Variants in PIBF1 observed in about 807,000 individuals in gnomAD.
PIBF1 encodes progesterone-induced-blocking factor 1.
A neutral mutation model predicts 112.5 loss-of-function variants in PIBF1; 90 were observed. The observed-to-expected ratio is 0.80, with a 90% CI of 0.67 to 0.95. PIBF1 has a LOEUF of 0.95. Among genes scored for constraint, PIBF1 ranks in the 40% least tolerant of loss-of-function variants. The pLI is 0.00. For synonymous variants in PIBF1, 301 were observed against 288.6 expected (o/e 1.04, Z -0.44); for missense variants, 915 against 852.3 (o/e 1.07, Z -0.92).
At chr13:72,929,822 TTAGAAA>T (rs2041646564) in intron 13 of PIBF1, among the ~76,000 whole-genome samples, 1 of 152,162 alleles carries the variant, frequency 6.6e-6, no homozygotes, top group Non-Finnish European at 1.5e-5. Flanking sequence ...GTATGAGTTC[TTAGAAA>T]TAGATATATA....
chr13:72,905,172 A>C (rs1458310931), intron 11 of PIBF1, among the ~76,000 whole-genome samples: 2 of 151,746 alleles, frequency 1.3e-5, no homozygotes, highest in African/African-American at 4.8e-5. Context: ...GGTTGAAGCA[A>C]TTCTCCTGCC....
At chr13:72,924,491 G>A (rs1227891047) in intron 13 of PIBF1, among the ~76,000 whole-genome samples, 2 of 151,436 alleles carry the variant, frequency 1.3e-5, no homozygotes, top group Non-Finnish European at 3.0e-5. Context: ...GGAGGCTGAG[G>A]TGGAAGGATC....
At chr13:72,886,457 AAC>A (rs1359731376) in intron 10 of PIBF1, among the ~76,000 whole-genome samples, 1 of 152,030 alleles carries the variant, frequency 6.6e-6, no homozygotes, top group East Asian at 1.9e-4. Flanking sequence ...AAAATTTTAT[AAC>A]AGTGTTATAA....
At chr13:72,874,479 AAGACTACAT>A (rs2039310619) in intron 10 of PIBF1, among the ~76,000 whole-genome samples, 1 of 152,186 alleles carries the variant, frequency 6.6e-6, no homozygotes. Flanking sequence ...ACAAACACAA[AAGACTACAT>A]AGTGTTTGAT....
At chr13:72,821,286 G>A (rs1349310211) in intron 5 of PIBF1, among the ~76,000 whole-genome samples, 1 of 152,150 alleles carries the variant, frequency 6.6e-6, no homozygotes, top group East Asian at 1.9e-4. Context: ...TATCAGCAAT[G>A]CCTTTCTTAA....
chr13:73,009,665 T>C (rs565996883), intron 17 of PIBF1, among the ~76,000 whole-genome samples: 1 of 152,322 alleles, frequency 6.6e-6, no homozygotes, highest in East Asian at 1.9e-4. Context: ...CAAAATAACC[T>C]GGGAATAAGG....
chr13:72,824,673 A>G (rs1255988289), intron 6 of PIBF1, among the ~76,000 whole-genome samples: 1 of 152,186 alleles, frequency 6.6e-6, no homozygotes, highest in Non-Finnish European at 1.5e-5. Context: ...CATCATTGGA[A>G]TATAAAACCA....
At chr13:72,829,073 A>G (rs1467906556) in intron 8 of PIBF1, among the ~76,000 whole-genome samples, 2 of 152,224 alleles carry the variant, frequency 1.3e-5, no homozygotes, top group African/African-American at 2.4e-5. Context: ...GGCTGCATAA[A>G]TGTCTTCTTT....
chr13:72,987,850 A>ATTTTTTTTT (rs1160979996), intron 16 of PIBF1, among the ~76,000 whole-genome samples: 15 of 66,434 alleles, frequency 2.3e-4, no homozygotes, highest in African/African-American at 1.0e-3. Context: ...TTATTTATTT[A>ATTTTTTTTT]TTTATTTATT....
chr13:72,844,639 G>C (rs2037752285), intron 9 of PIBF1, among the ~76,000 whole-genome samples: 1 of 151,682 alleles, frequency 6.6e-6, no homozygotes, highest in South Asian at 2.1e-4. Context: ...GAGAAACTCT[G>C]TCTTTTAAGA....
intron 5 of PIBF1, among the ~76,000 whole-genome samples, chr13:72,805,244 G>A (rs1038273521): frequency 5.3e-5 from 8 of 152,200 alleles, no homozygotes; most frequent in Non-Finnish European, 1.2e-4. Context: ...CTGGGTTTAC[G>A]CCATTCTCCT....
chr13:72,977,016 T>G (rs2043039492), intron 16 of PIBF1, among the ~76,000 whole-genome samples: 1 of 152,196 alleles, frequency 6.6e-6, no homozygotes, highest in Non-Finnish European at 1.5e-5. Context: ...GCCGCTAGCT[T>G]GTCTCACCCT....
At chr13:73,010,094 G>C (rs1051537299) in intron 17 of PIBF1, among the ~76,000 whole-genome samples, 1 of 152,136 alleles carries the variant, frequency 6.6e-6, no homozygotes, top group East Asian at 1.9e-4. Flanking sequence ...TTAGTTTATA[G>C]CAGTTGCTTT....
intron 9 of PIBF1, among the ~76,000 whole-genome samples, chr13:72,842,411 G>A (rs1001579560): frequency 2.6e-5 from 4 of 152,164 alleles, no homozygotes; most frequent in African/African-American, 9.7e-5. Flanking sequence ...ATGCTTTTAA[G>A]TGCAACAATT....
At chr13:73,000,137 C>T (rs2043808758) in intron 17 of PIBF1, among the ~76,000 whole-genome samples, 1 of 152,212 alleles carries the variant, frequency 6.6e-6, no homozygotes. Context: ...CAGGATGGCT[C>T]AGTTGACTAG....
At chr13:72,877,953 TG>T (rs1362361105) in intron 10 of PIBF1, among the ~76,000 whole-genome samples, 3 of 151,974 alleles carry the variant, frequency 2.0e-5, no homozygotes. Context: ...TTCTCCATGT[TG>T]GTCAGGCTGG....
chr13:72,783,070 C>G (rs1409274856), intron 1 of PIBF1, among the ~76,000 whole-genome samples: 1 of 152,138 alleles, frequency 6.6e-6, no homozygotes, highest in Non-Finnish European at 1.5e-5. Flanking sequence ...TGTAACGTTT[C>G]CCTGACCAAC....
intron 12 of PIBF1, among the ~76,000 whole-genome samples, chr13:72,910,209 T>G (rs1297979918): frequency 2.6e-5 from 4 of 152,216 alleles, no homozygotes; most frequent in Non-Finnish European, 5.9e-5. Flanking sequence ...ATTTTAAATT[T>G]ATCTTCAATT....
intron 10 of PIBF1, among the ~76,000 whole-genome samples, chr13:72,860,308 G>GGTGTGTGT (rs3219561): frequency 8.4e-5 from 12 of 143,148 alleles, no homozygotes; most frequent in Admixed American, 3.6e-4. Context: ...TTTTTTTAGG[G>GGTGTGTGT]GTGTGTGTGT....
Sources: gnomAD v4.1 joint callset for allele counts (sites outside exome capture counted in the v4.1 genomes callset) on GRCh38, gnomAD v4.1.1 for gene constraint, MANE v1.5 for transcripts, NCBI Gene and HGNC (gene_info 2026-07-23, HGNC 2026-07-21) for gene names.